The following ANKRD24 variants were observed in gnomAD, a reference collection of about 807,000 sequenced individuals.
ANKRD24 encodes the protein ankyrin repeat domain 24, also known as ankyrin repeat domain-containing protein 24.
ANKRD24 carries 109 observed loss-of-function variants against 127.8 expected under a neutral mutation model. That is an observed-to-expected ratio of 0.85 (90% CI 0.73 to 1.00). The LOEUF (loss-of-function observed/expected upper bound fraction) is 1.00, where lower values mean the gene tolerates loss of function less well. Ranked by LOEUF, ANKRD24 falls within the 50% of genes least tolerant of loss-of-function variation. The probability of loss-of-function intolerance (pLI) is 0.00; values close to 1 mark genes in which losing one functional copy is unlikely to be tolerated. For synonymous variants in ANKRD24, 743 were observed against 671.1 expected (o/e 1.11, Z -1.66); for missense variants, 1,648 against 1,570.2 (o/e 1.05, Z -0.84).
At position 4,216,626 on chromosome 19, in the gene ANKRD24, A is replaced by G. The variant is rs201346342; in HGVS notation, c.1466A>G (p.Tyr489Cys). The G allele has an allele frequency of 1.7e-5, 27 of 1,610,314 alleles. No individual in the cohort carries two copies. Among genetic ancestry groups the G allele is most frequent in the East Asian group, 4.5e-5 (2 of 44,764 alleles). The change falls in exon 18 of 22, where the codon TAT (tyrosine) becomes TGT (cysteine). Residue 489 changes from tyrosine to cysteine, a missense_variant. Tyr to Cys is a radical substitution (Grantham distance 194). Transcript: ENST00000318934. The part of the protein sequence containing the change: ...ALAEVIPLAL[Y>C]DSLRAEFDQL... ...GCAGAGGTCATCCCTCTTGCCCTCTATGACTCTCTCCGGGCCGAGTTTGAC... is the reference window on the plus strand; with the variant it reads ...GCAGAGGTCATCCCTCTTGCCCTCTGTGACTCTCTCCGGGCCGAGTTTGAC...
In ANKRD24 at chr19:4,216,927, T is replaced by G; in HGVS notation, c.1767T>G (p.Ala589=). 1.2e-6 allele frequency: 2 copies of G among 1,609,476 alleles called. No individual in the cohort carries two copies. Among genetic ancestry groups the G allele is most frequent in the South Asian group, 2.2e-5 (2 of 90,516 alleles). Residue 589 remains alanine (A), a synonymous_variant, in exon 18 of 22, where the codon GCT becomes GCG. Transcript: ENST00000318934. ...CCACGGGAGCCGAGGCCACGGGAGC[T>G]GAGGCCACAGGAGCCAAGGTCACAG... The part of the protein sequence containing the change: ...AEATGAEATG[A]EATGAKVTET...
chr19:4,222,828 C>G, intron 20 of ANKRD24, 33 bp downstream of exon 20: 1 of 1,572,394 alleles, frequency 6.4e-7, no homozygotes, highest in Non-Finnish European at 8.7e-7. Flanking sequence ...GCCAGGGGAC[C>G]ATCAGGGTGG....
chr19:4,216,669 C>T lies in ANKRD24; in HGVS notation c.1509C>T (p.His503=), dbSNP rs371611644. 4.1e-5 allele frequency: 66 copies of T among 1,596,254 alleles called. No individual in the cohort carries two copies. The African/African-American group carries it at 6.2e-4, about 15-fold the overall frequency. The change falls in exon 18 of 22, where the codon CAC becomes CAT. Residue 503 remains histidine (H), a synonymous_variant. Coordinates refer to ENST00000318934, the MANE Select transcript of ANKRD24 (RefSeq NM_001393985.1). Reference sequence around the variant, plus strand: ...AGTTTGACCAGCTACGCAGGCAGCACGCTGAGGCCCTGCAGGCCCTGAGGC... The same window carrying T: ...AGTTTGACCAGCTACGCAGGCAGCATGCTGAGGCCCTGCAGGCCCTGAGGC... ...RAEFDQLRRQ[H]AEALQALRQQ...
intron 6 of ANKRD24, among the ~76,000 whole-genome samples, chr19:4,202,366 C>T (rs1376588228): frequency 1.3e-5 from 2 of 152,000 alleles, no homozygotes; most frequent in Non-Finnish European, 2.9e-5. Context: ...GTCAGGAGTT[C>T]GAGACCAGCC....
Position 4,217,544 on chromosome 19 carries a change from G to C in ANKRD24, c.2384G>C (p.Arg795Pro). The change falls in exon 18 of 22, where the codon CGG becomes CCG. Residue 795 changes from arginine (R) to proline (P), a missense_variant. Coordinates refer to ENST00000318934, the MANE Select transcript of ANKRD24 (RefSeq NM_001393985.1). The stretch of plus-strand genomic sequence containing the variant: ...CTGCGGGCGGCCCTGGAGCAGGCCC[G>C]GGAGGACCTCCGAGACCGGGACTCC... Reference protein sequence around the residue: ...TQLRAALEQAREDLRDRDSRL... With the variant: ...TQLRAALEQAPEDLRDRDSRL... 2 of 1,327,306 alleles carry C rather than the reference G, an allele frequency of 1.5e-6. No homozygotes were observed. Among genetic ancestry groups the C allele is most frequent in the Non-Finnish European group, 1.9e-6 (2 of 1,043,398 alleles). 82.2% of individuals were successfully genotyped at this position (1,327,306 alleles called of 1,614,324 possible). A position where few individuals can be genotyped will look rare whatever the true frequency, so the allele number is the denominator to read the frequency against.
chr19:4,202,123 G>C, intron 6 of ANKRD24, 33 bp downstream of exon 6: 1 of 1,593,958 alleles, frequency 6.3e-7, no homozygotes, highest in South Asian at 1.1e-5. Flanking sequence ...CTACTCCCTT[G>C]GCCCCTACTA....
intron 2 of ANKRD24, 144 bp downstream of exon 2, chr19:4,186,605 C>A: frequency 1.1e-6 from 1 of 913,216 alleles, no homozygotes; most frequent in East Asian, 2.7e-5. Context: ...CATGACCTCC[C>A]CACTGCTCCC....
intron 5 of ANKRD24, among the ~76,000 whole-genome samples, chr19:4,200,712 G>A (rs1234438493): frequency 6.6e-6 from 1 of 152,030 alleles, no homozygotes; most frequent in Non-Finnish European, 1.5e-5. Context: ...AGTAGGGATG[G>A]GGTCTCCCTG....
intron 15 of ANKRD24, among the ~76,000 whole-genome samples, chr19:4,213,147 C>A (rs1378809988): frequency 6.6e-6 from 1 of 152,012 alleles, no homozygotes; most frequent in African/African-American, 2.4e-5. Flanking sequence ...ACAAACAGTC[C>A]CACAGTCACA....
At chr19:4,192,932 C>A (rs1197950641) in intron 2 of ANKRD24, among the ~76,000 whole-genome samples, 1 of 149,480 alleles carries the variant, frequency 6.7e-6, no homozygotes, top group African/African-American at 2.5e-5. Context: ...AGACCCTGTC[C>A]CAAAATAAAT....
At chr19:4,183,425 G>A in intron 1 of ANKRD24, 1 of 873,994 alleles carries the variant, frequency 1.1e-6, no homozygotes, top group Non-Finnish European at 1.4e-6. Flanking sequence ...GGAGAGCAAA[G>A]GTGGTACCAT....
intron 5 of ANKRD24, among the ~76,000 whole-genome samples, chr19:4,201,796 A>G (rs1969107465): frequency 6.6e-6 from 1 of 152,122 alleles, no homozygotes; most frequent in South Asian, 2.1e-4. Context: ...CTGAGACAGG[A>G]GGATCGCTTG....
intron 19 of ANKRD24, among the ~76,000 whole-genome samples, chr19:4,220,485 A>G (rs1168058840): frequency 6.6e-6 from 1 of 152,232 alleles, no homozygotes; most frequent in Non-Finnish European, 1.5e-5. Flanking sequence ...TTCCTAAACA[A>G]TACTAATGAT....
At chr19:4,184,908 G>GTGGA (rs1222111009) in intron 1 of ANKRD24, among the ~76,000 whole-genome samples, 89 of 150,136 alleles carry the variant, frequency 5.9e-4, no homozygotes, top group African/African-American at 2.0e-3. Context: ...GGATGGATAA[G>GTGGA]TGGATGGATG....
intron 2 of ANKRD24, among the ~76,000 whole-genome samples, chr19:4,193,953 A>G (rs913649617): frequency 6.6e-6 from 1 of 151,812 alleles, no homozygotes; most frequent in Non-Finnish European, 1.5e-5. Context: ...GAGAAGGGTT[A>G]GCAAATTTTT....
At chr19:4,200,201 G>A (rs750217001) in intron 5 of ANKRD24, 30 bp downstream of exon 5, 10 of 1,565,514 alleles carry the variant, frequency 6.4e-6, no homozygotes, top group Non-Finnish European at 8.6e-6. Flanking sequence ...GGGGAGGGAG[G>A]AGGAACTAAG....
chr19:4,193,297 CAAAAA>C (rs71166975), intron 2 of ANKRD24, among the ~76,000 whole-genome samples: 1 of 90,732 alleles, frequency 1.1e-5, no homozygotes, highest in Admixed American at 1.3e-4. Context: ...GCGACTCCAT[CAAAAA>C]AAAAAAAAAA....
chr19:4,193,332 A>G (rs540323272), intron 2 of ANKRD24, among the ~76,000 whole-genome samples: 51 of 150,332 alleles, frequency 3.4e-4, no homozygotes, highest in Non-Finnish European at 3.0e-5. Flanking sequence ...AATGAAGGAA[A>G]AATATAGCTA....
At chr19:4,219,375 G>A (rs1007282266) in intron 18 of ANKRD24, among the ~76,000 whole-genome samples, 2 of 152,092 alleles carry the variant, frequency 1.3e-5, no homozygotes, top group African/African-American at 4.8e-5. Context: ...GCCGAGGTGG[G>A]AGGATCACTT....
Sources: gnomAD v4.1 joint callset for allele counts (sites outside exome capture counted in the v4.1 genomes callset) on GRCh38, gnomAD v4.1.1 for gene constraint, MANE v1.5 for transcripts, NCBI Gene and HGNC (gene_info 2026-07-23, HGNC 2026-07-21) for gene names.